The following CIROZ variants were observed in gnomAD, a reference collection of about 807,000 sequenced individuals.
CIROZ encodes ciliated left-right organizer ZP-N domains-containing protein.
At chr1:10,963,066 G>A in the CIROZ span, among the ~76,000 whole-genome samples, 748 of 151,586 alleles carry the variant, frequency 4.9e-3, 6 homozygotes, top group African/African-American at 0.017. Context: ...GCTGCAGTGA[G>A]CCTGCGTGAC....
At chr1:10,965,734 A>T in the CIROZ span, among the ~76,000 whole-genome samples, 1 of 151,878 alleles carries the variant, frequency 6.6e-6, no homozygotes, top group African/African-American at 2.4e-5. Context: ...GAGGCAGGGG[A>T]ATCGCTTGAA....
the CIROZ span, among the ~76,000 whole-genome samples, chr1:10,953,459 C>T: frequency 6.6e-6 from 1 of 152,122 alleles, no homozygotes; most frequent in Admixed American, 6.6e-5. Context: ...GCATACACCA[C>T]GTTTAGAAGA....
chr1:10,954,993 G>T, the CIROZ span: 1 of 1,602,468 alleles, frequency 6.2e-7, no homozygotes, highest in Non-Finnish European at 8.5e-7. Flanking sequence ...TACTCACCTG[G>T]ACCTGGAGCA....
chr1:10,965,337 G>A, the CIROZ span, among the ~76,000 whole-genome samples: 1 of 152,156 alleles, frequency 6.6e-6, no homozygotes, highest in Admixed American at 6.5e-5. Context: ...AAATGGAAAG[G>A]GGAAGTGGAG....
chr1:10,962,179 C>T, the CIROZ span, among the ~76,000 whole-genome samples: 379 of 152,216 alleles, frequency 2.5e-3, 5 homozygotes, highest in Non-Finnish European at 3.2e-3. Context: ...GGCGTGGTGG[C>T]TCACACCTGT....
At chr1:10,954,361 G>A in the CIROZ span, among the ~76,000 whole-genome samples, 4 of 151,572 alleles carry the variant, frequency 2.6e-5, no homozygotes, top group Non-Finnish European at 4.4e-5. Context: ...GGCTGAGGCA[G>A]GAGAATCGCT....
At chr1:10,959,426 G>T in the CIROZ span, among the ~76,000 whole-genome samples, 1 of 152,158 alleles carries the variant, frequency 6.6e-6, no homozygotes, top group South Asian at 2.1e-4. The surrounding 1 kb of genome is among the most constrained non-coding windows in gnomAD (Gnocchi z 4.3). Flanking sequence ...CGTGGGCAAG[G>T]CACCTTCCCC....
the CIROZ span, among the ~76,000 whole-genome samples, chr1:10,965,193 T>C: frequency 1.3e-5 from 2 of 150,804 alleles, no homozygotes; most frequent in African/African-American, 4.9e-5. Context: ...GTGACGGGGC[T>C]GTCAGAGAAG....
chr1:10,959,337 G>A, the CIROZ span, among the ~76,000 whole-genome samples: 241 of 152,210 alleles, frequency 1.6e-3, no homozygotes, highest in African/African-American at 5.5e-3. This position sits in a 1 kb window ranked among gnomAD's most constrained non-coding sequence, Gnocchi z 4.3. Flanking sequence ...GTGGTTTCTC[G>A]TACCGCGCCT....
chr1:10,959,072 G>A, the CIROZ span, among the ~76,000 whole-genome samples: 6 of 152,188 alleles, frequency 3.9e-5, no homozygotes, highest in Non-Finnish European at 8.8e-5. The surrounding 1 kb of genome is among the most constrained non-coding windows in gnomAD (Gnocchi z 4.3). Flanking sequence ...ACTTCCATTG[G>A]GGCTGTTTCC....
chr1:10,955,414 G>C, the CIROZ span, among the ~76,000 whole-genome samples: 2 of 152,178 alleles, frequency 1.3e-5, no homozygotes, highest in Non-Finnish European at 2.9e-5. Context: ...ACACCTGACA[G>C]ACCTTGCCAC....
At chr1:10,948,638 T>C in the CIROZ span, 247,689 of 1,613,740 alleles carry the variant, frequency 0.15, 24,748 homozygotes, top group South Asian at 0.39. Flanking sequence ...TTGGCAAGAC[T>C]GGACGTGGCC....
At chr1:10,973,884 A>G in the CIROZ span, among the ~76,000 whole-genome samples, 2 of 152,088 alleles carry the variant, frequency 1.3e-5, no homozygotes, top group African/African-American at 4.8e-5. Flanking sequence ...TCCCGGGTGC[A>G]GCGGCAGCTG....
At chr1:10,969,037 G>A in the CIROZ span, among the ~76,000 whole-genome samples, 1 of 152,018 alleles carries the variant, frequency 6.6e-6, no homozygotes, top group South Asian at 2.1e-4. Context: ...CTCTCCCAAG[G>A]CGTCCCGGGC....
chr1:10,966,242 G>C, the CIROZ span: 1 of 1,308,832 alleles, frequency 7.6e-7, no homozygotes, highest in Non-Finnish European at 1.0e-6. Flanking sequence ...GTCTCCCTCA[G>C]CTCAGTTTCT....
chr1:10,948,555 C>CGTTCAGGCCTCGGGGCTG, the CIROZ span: 4 of 1,614,078 alleles, frequency 2.5e-6, no homozygotes, highest in Admixed American at 6.7e-5. Context: ...TGATTCAGGT[C>CGTTCAGGCCTCGGGGCTG]GTTCAGGCCT....
the CIROZ span, chr1:10,976,053 G>A: frequency 4.7e-4 from 417 of 883,988 alleles, 2 homozygotes; most frequent in South Asian, 4.4e-3. Context: ...AGGCTTTCTC[G>A]CTTCCAAAGT....
At chr1:10,968,220 A>G in the CIROZ span, among the ~76,000 whole-genome samples, 1 of 152,218 alleles carries the variant, frequency 6.6e-6, no homozygotes, top group Non-Finnish European at 1.5e-5. Context: ...ATCTCTGGGT[A>G]GAGGGATTAC....
chr1:10,978,865 G>A, the CIROZ span, among the ~76,000 whole-genome samples: 1 of 152,302 alleles, frequency 6.6e-6, no homozygotes, highest in Admixed American at 6.5e-5. Context: ...GTGACAGAGG[G>A]GCCGCTGGTG....
Sources: gnomAD v4.1 joint callset for allele counts (sites outside exome capture counted in the v4.1 genomes callset) on GRCh38, gnomAD v4.1.1 for gene constraint, Gnocchi (gnomAD v3.1) non-coding constraint, MANE v1.5 for transcripts, NCBI Gene and HGNC (gene_info 2026-07-23, HGNC 2026-07-21) for gene names.